Variants in IMMP2L observed in about 807,000 individuals in gnomAD.
IMMP2L encodes mitochondrial inner membrane protease subunit 2.
Under a neutral mutation model 19.3 loss-of-function variants are expected in IMMP2L, and 18 were observed. That is an observed-to-expected ratio of 0.93 (90% CI 0.64 to 1.38). The LOEUF is 1.38. Among genes scored for constraint, IMMP2L ranks in the 40% most tolerant of loss-of-function variants. The pLI is 0.00. For missense variants in IMMP2L, 233 were observed against 218.2 expected (o/e 1.07, Z -0.43); for synonymous variants, 76 against 73.0 (o/e 1.04, Z -0.21).
At chr7:111,288,939 A>T (rs1023740973) in intron 3 of IMMP2L, among the ~76,000 whole-genome samples, 3 of 152,156 alleles carry the variant, frequency 2.0e-5, no homozygotes, top group African/African-American at 7.2e-5. Flanking sequence ...AAAGATTGTA[A>T]ATCATTCTAC....
chr7:110,901,178 T>C (rs1304414802), intron 4 of IMMP2L, among the ~76,000 whole-genome samples: 1 of 152,132 alleles, frequency 6.6e-6, no homozygotes, highest in Non-Finnish European at 1.5e-5. Flanking sequence ...TTATAATCTA[T>C]CCACTGTTTA....
At chr7:111,305,129 T>TC (rs1434490051) in intron 3 of IMMP2L, among the ~76,000 whole-genome samples, 5 of 151,948 alleles carry the variant, frequency 3.3e-5, no homozygotes, top group African/African-American at 4.8e-5. Flanking sequence ...AAATGGCATC[T>TC]CCAGAGTCTT....
rs543233407 is a variant in IMMP2L, at chr7:111,344,316, G to A, written c.239+142922C>T. Among the ~76,000 whole-genome samples, 7 of 152,220 alleles carry A rather than the reference G, an allele frequency of 4.6e-5. No homozygotes were observed. The South Asian group carries it at 1.5e-3, about 32-fold the overall frequency. ...TTTCCACCTCAGAACCTTTATACATGCTGTTCATTCTGGCTAGCACATTCT... is the reference window on the plus strand; with the variant it reads ...TTTCCACCTCAGAACCTTTATACATACTGTTCATTCTGGCTAGCACATTCT... On this transcript the variant is annotated intron_variant, in intron 3 of 5. Transcript: ENST00000405709.
At chr7:111,184,183 T>C (rs1295608994) in intron 3 of IMMP2L, among the ~76,000 whole-genome samples, 2 of 151,912 alleles carry the variant, frequency 1.3e-5, no homozygotes, top group Non-Finnish European at 2.9e-5. Flanking sequence ...TACTCCAGGG[T>C]GCTCTAGAGA....
At chr7:111,236,167 T>A (rs1419321891) in intron 3 of IMMP2L, among the ~76,000 whole-genome samples, 1 of 152,126 alleles carries the variant, frequency 6.6e-6, no homozygotes, top group African/African-American at 2.4e-5. Flanking sequence ...AACTGATTGA[T>A]GTTCTCCTCA....
intron 5 of IMMP2L, among the ~76,000 whole-genome samples, chr7:110,754,792 T>C (rs963818709): frequency 2.0e-5 from 3 of 152,068 alleles, no homozygotes; most frequent in African/African-American, 7.2e-5. Context: ...TACTTCACTG[T>C]TTAATCACCC....
chr7:111,019,006 A>G (rs1272061039), intron 3 of IMMP2L, among the ~76,000 whole-genome samples: 1 of 152,052 alleles, frequency 6.6e-6, no homozygotes, highest in African/African-American at 2.4e-5. Context: ...AGGGGTGTAG[A>G]TAACTTCTAA....
chr7:111,431,657 G>A (rs1356913865), intron 3 of IMMP2L, among the ~76,000 whole-genome samples: 1 of 151,762 alleles, frequency 6.6e-6, no homozygotes, highest in Non-Finnish European at 1.5e-5. Flanking sequence ...AATAATTGAA[G>A]ATCACAAAAG....
chr7:111,481,256 G>A (rs954431638), intron 3 of IMMP2L, among the ~76,000 whole-genome samples: 2 of 152,134 alleles, frequency 1.3e-5, no homozygotes, highest in Non-Finnish European at 2.9e-5. Flanking sequence ...AATAAGAGAT[G>A]TAGACATACC....
At chr7:111,413,879 G>A (rs192786991) in intron 3 of IMMP2L, among the ~76,000 whole-genome samples, 9 of 151,734 alleles carry the variant, frequency 5.9e-5, no homozygotes, top group Non-Finnish European at 1.2e-4. Context: ...TTCTGCTTCC[G>A]ATATGCTTTG....
At chr7:111,424,020 A>C (rs1296352014) in intron 3 of IMMP2L, among the ~76,000 whole-genome samples, 2 of 151,910 alleles carry the variant, frequency 1.3e-5, no homozygotes, top group African/African-American at 2.4e-5. Context: ...AACGTAATTA[A>C]ATGAACAGTA....
rs1843722579 is a variant in IMMP2L, at chr7:111,497,672, T to A, written c.136-10331A>T. Among the ~76,000 whole-genome samples, 4 of 152,012 alleles carry A rather than the reference T, an allele frequency of 2.6e-5. 1 individual carries two copies. The highest frequency in any genetic ancestry group is 2.6e-4 in the Admixed American group (4 of 15,264). On this transcript the variant is annotated intron_variant, in intron 2 of 5. Coordinates refer to ENST00000405709, the MANE Select transcript of IMMP2L (RefSeq NM_032549.4). The stretch of plus-strand genomic sequence containing the variant: ...TGCAGAAAAGAAAGAGAGTAACTTA[T>A]AATGGTTTAGAAATGCAAACTTCAA...
At chr7:111,151,637 T>A (rs1160819859) in intron 3 of IMMP2L, among the ~76,000 whole-genome samples, 1 of 152,082 alleles carries the variant, frequency 6.6e-6, no homozygotes, top group Non-Finnish European at 1.5e-5. Context: ...TATGAGTCAA[T>A]CACGGAAATC....
intron 3 of IMMP2L, among the ~76,000 whole-genome samples, chr7:111,255,712 G>C (rs1816624139): frequency 6.6e-6 from 1 of 152,070 alleles, no homozygotes; most frequent in African/African-American, 2.4e-5. Context: ...GGATAGATGA[G>C]TCAGGACTTG....
chr7:110,806,390 G>C (rs1237527718), intron 5 of IMMP2L, among the ~76,000 whole-genome samples: 1 of 151,906 alleles, frequency 6.6e-6, no homozygotes, highest in Non-Finnish European at 1.5e-5. Flanking sequence ...AAAATGTCTT[G>C]AAATAAAGTA....
intron 4 of IMMP2L, among the ~76,000 whole-genome samples, chr7:110,902,502 A>ATATATATATATAT (rs1811986550): frequency 1.4e-5 from 2 of 143,516 alleles, no homozygotes; most frequent in African/African-American, 5.2e-5. Context: ...ATATATATAT[A>ATATATATATATAT]GTATCAAGGG....
chr7:111,122,852 T>C, intron 3 of IMMP2L: 1 of 1,613,986 alleles, frequency 6.2e-7, no homozygotes, highest in Non-Finnish European at 8.5e-7. Flanking sequence ...GATAAAAAAG[T>C]GGATTGTCCA....
In IMMP2L at chr7:110,808,102, GTAATTACATTTCAA is replaced by G. The variant is rs1467457380; in HGVS notation, c.408+78477_408+78490del. On this transcript the variant is annotated intron_variant, in intron 5 of 5. Transcript: ENST00000405709. ...TTTTTCACTTTAATAATTACATTTAGTAATTACATTTCAATAATTACATTTCAATACTCAGTGTC... is the reference window on the plus strand; with the variant it reads ...TTTTTCACTTTAATAATTACATTTAGTAATTACATTTCAATACTCAGTGTC... Among the ~76,000 whole-genome samples the G allele has an allele frequency of 4.6e-5, 7 of 151,970 alleles. No homozygotes were observed. In the East Asian group the frequency reaches 5.8e-4, roughly 13 times the overall value.
intron 4 of IMMP2L, among the ~76,000 whole-genome samples, chr7:110,915,251 G>A (rs549833047): frequency 1.6e-4 from 24 of 152,186 alleles, no homozygotes; most frequent in South Asian, 6.2e-4. Context: ...ACGCGCGTGC[G>A]TGCACGCACA....
Sources: allele counts gnomAD v4.1 joint callset (sites outside exome capture counted in the v4.1 genomes callset), GRCh38; gene constraint gnomAD v4.1.1; transcripts MANE v1.5; gene names NCBI Gene and HGNC (gene_info 2026-07-23, HGNC 2026-07-21).